MARCHF1: variants seen among roughly 807,000 people sequenced by gnomAD.
MARCHF1 encodes the protein E3 ubiquitin-protein ligase MARCHF1.
In MARCHF1, 40 loss-of-function variants were observed where a neutral mutation model predicts 54.2. The observed-to-expected ratio is 0.74, with a 90% confidence interval of 0.57 to 0.96. The LOEUF (loss-of-function observed/expected upper bound fraction) is 0.96, where lower values mean the gene tolerates loss of function less well. MARCHF1 is among the 40% of genes least tolerant of loss of function. The pLI, the probability that MARCHF1 is intolerant of heterozygous loss-of-function variation, is 0.00. For synonymous variants in MARCHF1, 236 were observed against 236.3 expected (o/e 1.00, Z 0.01); for missense variants, 586 against 656.5 (o/e 0.89, Z 1.17).
At chr4:163,745,183 G>A (rs1336400449) in intron 4 of MARCHF1, among the ~76,000 whole-genome samples, 1 of 150,502 alleles carries the variant, frequency 6.6e-6, no homozygotes, top group Non-Finnish European at 1.5e-5. Flanking sequence ...CACGATCTCA[G>A]CTCATGGCAA....
intron 8 of MARCHF1, among the ~76,000 whole-genome samples, chr4:163,562,109 C>T (rs149462044): frequency 0.031 from 4,771 of 152,102 alleles, 91 homozygotes; most frequent in South Asian, 0.098. Flanking sequence ...CTAGCCTGGC[C>T]AACATGGTGA....
intron 4 of MARCHF1, among the ~76,000 whole-genome samples, chr4:163,817,301 A>G (rs1302875243): frequency 1.3e-5 from 2 of 152,068 alleles, no homozygotes; most frequent in Non-Finnish European, 2.9e-5. Context: ...ACATATACAT[A>G]CATACATATA....
intron 1 of MARCHF1, among the ~76,000 whole-genome samples, chr4:164,114,636 A>G (rs1755903111): frequency 6.6e-6 from 1 of 151,706 alleles, no homozygotes; most frequent in Admixed American, 6.6e-5. Flanking sequence ...CCTAAGTACA[A>G]TAAATGCAAT....
chr4:163,559,524 T>C (rs560528929), intron 8 of MARCHF1, among the ~76,000 whole-genome samples: 61 of 152,270 alleles, frequency 4.0e-4, no homozygotes, highest in African/African-American at 1.4e-3. Context: ...TGTGGTCCCA[T>C]TGCTTAGTAA....
intron 1 of MARCHF1, among the ~76,000 whole-genome samples, chr4:164,331,181 T>C (rs1487739626): frequency 6.6e-6 from 1 of 152,132 alleles, no homozygotes; most frequent in East Asian, 1.9e-4. Context: ...TAGCATTACC[T>C]TTTATAATCT....
chr4:163,872,708 G>A (rs1750193955), intron 3 of MARCHF1, among the ~76,000 whole-genome samples: 1 of 152,080 alleles, frequency 6.6e-6, no homozygotes, highest in South Asian at 2.1e-4. Flanking sequence ...TATGTGTATA[G>A]TCATGTATTG....
At chr4:163,733,653 T>C (rs1343331452) in intron 4 of MARCHF1, among the ~76,000 whole-genome samples, 1 of 151,998 alleles carries the variant, frequency 6.6e-6, no homozygotes, top group Non-Finnish European at 1.5e-5. Context: ...CTTCATTTTC[T>C]GTTCAAGAAT....
At chr4:163,869,887 A>G (rs1371988179) in intron 3 of MARCHF1, among the ~76,000 whole-genome samples, 1 of 152,114 alleles carries the variant, frequency 6.6e-6, no homozygotes, top group Non-Finnish European at 1.5e-5. Flanking sequence ...GTGCATCAAA[A>G]TCTCAAGCTT....
At chr4:163,893,195 A>G (rs1045682858) in intron 3 of MARCHF1, among the ~76,000 whole-genome samples, 2 of 152,046 alleles carry the variant, frequency 1.3e-5, no homozygotes, top group African/African-American at 4.8e-5. Context: ...GCTGGGATGC[A>G]GTGGCGGGAT....
At chr4:163,935,246 C>A (rs1406763814) in intron 3 of MARCHF1, among the ~76,000 whole-genome samples, 1 of 152,128 alleles carries the variant, frequency 6.6e-6, no homozygotes, top group Non-Finnish European at 1.5e-5. Context: ...GCTGCATTAT[C>A]CTCTAACAGA....
chr4:164,171,170 G>C (rs1283794956), intron 1 of MARCHF1, among the ~76,000 whole-genome samples: 2 of 151,066 alleles, frequency 1.3e-5, no homozygotes, highest in East Asian at 1.9e-4. Context: ...GCACTTAATA[G>C]TACTTTTGTC....
At chr4:163,924,823 T>G (rs1751504498) in intron 3 of MARCHF1, among the ~76,000 whole-genome samples, 1 of 151,830 alleles carries the variant, frequency 6.6e-6, no homozygotes, top group African/African-American at 2.4e-5. Context: ...TCCTATTGTT[T>G]ATAATTAATA....
chr4:164,192,556 G>T (rs1367863152), intron 1 of MARCHF1, among the ~76,000 whole-genome samples: 1 of 151,980 alleles, frequency 6.6e-6, no homozygotes, highest in African/African-American at 2.4e-5. Context: ...GAATAAAGTG[G>T]GCTCCTCTTG....
chr4:164,221,262 C>T (rs1732102859), intron 1 of MARCHF1, among the ~76,000 whole-genome samples: 1 of 151,934 alleles, frequency 6.6e-6, no homozygotes, highest in South Asian at 2.1e-4. Context: ...TTAAAGCAAA[C>T]ATTATGGGAT....
intron 4 of MARCHF1, among the ~76,000 whole-genome samples, chr4:163,707,786 TAAAAAAAAAAA>T (rs777522371): frequency 1.5e-5 from 1 of 65,890 alleles, no homozygotes; most frequent in African/African-American, 4.9e-5. Context: ...TGTTTTGAAC[TAAAAAAAAAAA>T]AAAAAAAAAA....
chr4:164,294,563 C>T (rs972810047), intron 1 of MARCHF1, among the ~76,000 whole-genome samples: 1 of 152,130 alleles, frequency 6.6e-6, no homozygotes, highest in Admixed American at 6.5e-5. Flanking sequence ...CTCTTTCACT[C>T]GTTTACAACC....
chr4:163,850,273 C>T (rs1749607524), intron 4 of MARCHF1, among the ~76,000 whole-genome samples: 1 of 152,208 alleles, frequency 6.6e-6, no homozygotes, highest in Non-Finnish European at 1.5e-5. Context: ...CCTCTGAACC[C>T]CTGAGGTATC....
chr4:163,917,701 G>C (rs1294472057), intron 3 of MARCHF1, among the ~76,000 whole-genome samples: 1 of 152,048 alleles, frequency 6.6e-6, no homozygotes, highest in African/African-American at 2.4e-5. Context: ...ATGGTGGTTT[G>C]CTGCACAGAT....
At chr4:164,159,522 G>A (rs998944844) in intron 1 of MARCHF1, among the ~76,000 whole-genome samples, 3 of 152,096 alleles carry the variant, frequency 2.0e-5, no homozygotes, top group African/African-American at 7.2e-5. Flanking sequence ...TTCTGTTACT[G>A]TACTTTACTT....
Sources: allele counts gnomAD v4.1 joint callset (sites outside exome capture counted in the v4.1 genomes callset), GRCh38; gene constraint gnomAD v4.1.1; transcripts MANE v1.5; gene names NCBI Gene and HGNC (gene_info 2026-07-23, HGNC 2026-07-21).